The following MKI67 variants were observed in gnomAD, a reference collection of about 807,000 sequenced individuals.
MKI67 encodes proliferation marker protein Ki-67.
Under a neutral mutation model 233.5 loss-of-function variants are expected in MKI67, and 152 were observed. That is an observed-to-expected ratio of 0.65 (90% confidence interval 0.57 to 0.74). The LOEUF (loss-of-function observed/expected upper bound fraction) is 0.74. Ranked by LOEUF, MKI67 falls within the 30% of genes least tolerant of loss-of-function variation. The probability of loss-of-function intolerance (pLI) is 0.00; values close to 1 mark genes in which losing one functional copy is unlikely to be tolerated. For synonymous variants in MKI67, 1,465 were observed against 1,418.5 expected (o/e 1.03, Z -0.74); for missense variants, 3,940 against 3,885.2 (o/e 1.01, Z -0.37).
chr10:128,102,884 T>C lies in MKI67; in HGVS notation c.8956A>G (p.Lys2986Glu), dbSNP rs151155486. 1.1e-4 allele frequency: 178 copies of C among 1,614,210 alleles called. No individual in the cohort carries two copies. In the African/African-American group the frequency reaches 2.0e-3, roughly 18 times the overall value. ...AGTGGGGGCAGGGAAGTGTTGCTTT[T>C]GCTTTGTGATTTTACAGGGTCTCTG... The part of the protein sequence containing the change: ...STRDPVKSQS[K>E]SNTSLPPLPF... The change falls in exon 13 of 15, where the codon AAA becomes GAA. Residue 2986 changes from lysine to glutamate, a missense_variant. By Grantham distance (56) the Lys-to-Glu change is moderately conservative. Coordinates refer to ENST00000368654, the MANE Select transcript of MKI67 (RefSeq NM_002417.5).
At chr10:128,113,095 T>C (rs1373026030) in intron 8 of MKI67, among the ~76,000 whole-genome samples, 1 of 152,182 alleles carries the variant, frequency 6.6e-6, no homozygotes, top group Non-Finnish European at 1.5e-5. Flanking sequence ...GACGTGGTAA[T>C]GTATCCAGAA....
intron 14 of MKI67, among the ~76,000 whole-genome samples, chr10:128,100,876 G>GT (rs911961823): frequency 6.6e-6 from 1 of 151,966 alleles, no homozygotes; most frequent in African/African-American, 2.4e-5. Flanking sequence ...TGTTTCAATA[G>GT]TTTTTTTTGG....
chr10:128,102,634 T>C lies in MKI67; in HGVS notation c.9206A>G (p.Asp3069Gly), dbSNP rs376451397. 6.2e-7 allele frequency: 1 copy of C among 1,614,132 alleles called. No homozygotes were observed. The highest frequency in any genetic ancestry group is 1.3e-5 in the African/African-American group (1 of 74,944). The change falls in exon 13 of 15, where the codon GAC becomes GGC. Residue 3069 changes from aspartate (D) to glycine (G), a missense_variant. Transcript: ENST00000368654. ...IEPAEELNSN[D>G]MKTNKEEHKL... The stretch of plus-strand genomic sequence containing the variant: ...GTGTTCCTCTTTGTTGGTTTTCATG[T>C]CGTTGCTGTTCAGCTCTTCCGCAGG...
At chr10:128,101,882 C>T (rs191760907) in intron 13 of MKI67, among the ~76,000 whole-genome samples, 181 bp from the exon 14 acceptor site, 2 of 152,188 alleles carry the variant, frequency 1.3e-5, no homozygotes, top group Non-Finnish European at 2.9e-5. Flanking sequence ...GTACTTTGCT[C>T]CTATGGAGAA....
intron 7 of MKI67, among the ~76,000 whole-genome samples, chr10:128,113,865 T>C (rs1204386011): frequency 6.6e-6 from 1 of 152,058 alleles, no homozygotes; most frequent in African/African-American, 2.4e-5. Flanking sequence ...TGTGTGGACA[T>C]AGAAAGGAGG....
rs1852555318 is a variant in MKI67, at chr10:128,107,919, T to G, written c.3921A>C (p.Lys1307Asn). 1.9e-6 allele frequency: 3 copies of G among 1,613,746 alleles called. No individual in the cohort carries two copies. Among genetic ancestry groups the G allele is most frequent in the Non-Finnish European group, 2.5e-6 (3 of 1,179,994 alleles). ...GAGTTCCCACAAATATGATGATGTC[T>G]TTCTCTTCACCTACTGATGGTTTAG... is the stretch of plus-strand genomic sequence containing the variant. Reference protein sequence around the residue: ...HTPKPSVGEEKDIIIFVGTPV... With the variant: ...HTPKPSVGEENDIIIFVGTPV... Residue 1307 changes from lysine (K) to asparagine (N), a missense_variant, in exon 13 of 15, where the codon AAA becomes AAC. Transcript: ENST00000368654.
chr10:128,102,658 G>A lies in MKI67; in HGVS notation c.9182C>T (p.Pro3061Leu). 6.2e-7 allele frequency: 1 copy of A among 1,614,212 alleles called. No homozygotes were observed. The highest frequency in any genetic ancestry group is 8.5e-7 in the Non-Finnish European group (1 of 1,180,038). Residue 3061 changes from proline to leucine, a missense_variant, in exon 13 of 15, where the codon CCT becomes CTT. By Grantham distance (98) the Pro-to-Leu change is moderately conservative (BLOSUM62 -3). Transcript: ENST00000368654. ...SLRTSAKRIE[P>L]AEELNSNDMK... is the part of the protein sequence containing the mutation. ...GTCGTTGCTGTTCAGCTCTTCCGCA[G>A]GTTCAATTCTTTTTGCAGAAGTCCT...
chr10:128,106,289 C>G lies in MKI67; in HGVS notation c.5551G>C (p.Glu1851Gln), dbSNP rs899988714. The G allele has an allele frequency of 1.2e-6, 2 of 1,613,148 alleles. No individual in the cohort carries two copies. The highest frequency in any genetic ancestry group is 3.3e-5 in the Admixed American group (2 of 59,904). ...CAGAGTATTTTTTTGGTAGTTTTCT[C>G]ATCAGTCGTGGGGTTATCAGTGCAT... is the stretch of plus-strand genomic sequence containing the variant. ...TPCTDNPTTD[E>Q]KTTKKILCKS... The change falls in exon 13 of 15, where the codon GAG becomes CAG. Residue 1851 changes from glutamate (E) to glutamine (Q), a missense_variant. Transcript: ENST00000368654.
In MKI67 at chr10:128,102,716, A is replaced by T; in HGVS notation, c.9124T>A (p.Ser3042Thr). 6.2e-7 allele frequency: 1 copy of T among 1,614,044 alleles called. No individual in the cohort carries two copies. Among genetic ancestry groups the T allele is most frequent in the Non-Finnish European group, 8.5e-7 (1 of 1,180,012 alleles). Residue 3042 changes from serine (S) to threonine (T), a missense_variant, in exon 13 of 15, where the codon TCC (serine) becomes ACC (threonine). Ser to Thr is a moderately conservative substitution (Grantham distance 58). Transcript: ENST00000368654. Reference protein sequence around the residue: ...RVAPRARGKSSEPVVIMKRSL... With the variant: ...RVAPRARGKSTEPVVIMKRSL... ...CTCTTCATGATGACCACGGGTTCGG[A>T]TGATTTGCCTCTTGCCCTGGGAGCA...
intron 8 of MKI67, 62 bp downstream of exon 8, chr10:128,113,365 A>G (rs1177102788): frequency 6.7e-7 from 1 of 1,492,484 alleles, no homozygotes; most frequent in African/African-American, 1.4e-5. Context: ...GTATTTGGAA[A>G]GGAATAGGTA....
In MKI67 at chr10:128,103,994, G is replaced by A. The variant is rs759412414; in HGVS notation, c.7846C>T (p.Leu2616Phe). 26 of 1,613,936 alleles carry A rather than the reference G, an allele frequency of 1.6e-5. 1 individual carries two copies. In the South Asian group the frequency reaches 2.4e-4, roughly 15 times the overall value. The change falls in exon 13 of 15, where the codon CTC becomes TTC. Residue 2616 changes from leucine to phenylalanine, a missense_variant. Coordinates refer to ENST00000368654, the MANE Select transcript of MKI67 (RefSeq NM_002417.5). The part of the protein sequence containing the change: ...TRPRKEVKEE[L>F]SAVERLTQTS... ...TGCGTGAGCCTCTCAACTGCTGAGA[G>A]CTCCTCTTTTACTTCTTTCCTGGGA...
Position 128,115,240 on chromosome 10 carries a change from G to A in MKI67, c.1168C>T (p.Leu390Phe), listed in dbSNP as rs1276581437. Residue 390 changes from leucine to phenylalanine, a missense_variant, in exon 7 of 15, where the codon CTT becomes TTT. Coordinates refer to ENST00000368654, the MANE Select transcript of MKI67 (RefSeq NM_002417.5). ...CTAGTTGAAAGCTTCCTGGGAGTAAGAGTTTTATCACCAGCCTTGAAGCCT... is the reference window on the plus strand; with the variant it reads ...CTAGTTGAAAGCTTCCTGGGAGTAAAAGTTTTATCACCAGCCTTGAAGCCT... ...SEGFKAGDKT[L>F]TPRKLSTRNR... is the part of the protein sequence containing the mutation. The A allele has an allele frequency of 1.2e-6, 2 of 1,614,224 alleles. No individual in the cohort carries two copies. The highest frequency in any genetic ancestry group is 1.7e-6 in the Non-Finnish European group (2 of 1,180,044).
At chr10:128,117,737 C>T (rs1162759628) in intron 5 of MKI67, among the ~76,000 whole-genome samples, 2 of 152,132 alleles carry the variant, frequency 1.3e-5, no homozygotes, top group South Asian at 2.1e-4. Flanking sequence ...AATCTTATGA[C>T]TAAACAATAT....
Position 128,108,416 on chromosome 10 carries a change from T to C in MKI67, c.3424A>G (p.Ser1142Gly). 3.1e-6 allele frequency: 5 copies of C among 1,614,224 alleles called. No homozygotes were observed. Among genetic ancestry groups the C allele is most frequent in the Non-Finnish European group, 3.4e-6 (4 of 1,180,048 alleles). ...CTTCTCTTAGGCCATTGCTTTGTGC[T>C]TGTTGGAGTGTCCACTGATTCTGGT... ...PPPESVDTPTSTKQWPKRSLR... is the reference protein window; with the variant it reads ...PPPESVDTPTGTKQWPKRSLR... The change falls in exon 13 of 15, where the codon AGC becomes GGC. Residue 1142 changes from serine to glycine, a missense_variant. Ser to Gly is a moderately conservative substitution (Grantham distance 56). Coordinates refer to ENST00000368654, the MANE Select transcript of MKI67 (RefSeq NM_002417.5).
At chr10:128,124,005 C>T (rs997246) in intron 2 of MKI67, among the ~76,000 whole-genome samples, 9,349 of 152,226 alleles carry the variant, frequency 0.061, 379 homozygotes, top group Non-Finnish European at 0.094. Context: ...TGTCTGTTCT[C>T]CATCTGAACC....
At position 128,097,464 on chromosome 10, in the gene MKI67, T is replaced by A. The variant is rs1221857466; in HGVS notation, c.*1726A>T. The A allele has an allele frequency of 1.3e-5, 2 of 152,164 alleles. No individual in the cohort carries two copies. The highest frequency in any genetic ancestry group is 1.3e-4 in the Admixed American group (2 of 15,284). The allele number at this position is 152,164 out of a possible 1,614,324, so 9.4% of individuals were successfully genotyped here. ...AGGTGCTGACATACTTCAGCAAGAT[T>A]TCTGGTTAGAGCTGAACTCTAAAGG... On this transcript the variant is annotated 3_prime_UTR_variant, in exon 15 of 15. Transcript: ENST00000368654.
chr10:128,107,490 A>T lies in MKI67; in HGVS notation c.4350T>A (p.Gly1450=), dbSNP rs780852316. The part of the protein sequence containing the change: ...QKLDPAASVT[G]SKRHPKTKEK... ...CCTTAGTTTTTGGGTGCCTCTTGCT[A>T]CCAGTTACACTTGCTGCTGGGTCCA... The change falls in exon 13 of 15, where the codon GGT becomes GGA. Residue 1450 remains glycine (G), a synonymous_variant. Transcript: ENST00000368654. 3,182 of 1,613,750 alleles carry T rather than the reference A, an allele frequency of 2.0e-3. 43 individuals carry two copies. In the African/African-American group the frequency reaches 0.035, roughly 18 times the overall value.
In MKI67 at chr10:128,126,098, C is replaced by T; in HGVS notation, c.-90+1G>A. 1 of 179,274 alleles carries T rather than the reference C, an allele frequency of 5.6e-6. No individual in the cohort carries two copies. Among genetic ancestry groups the T allele is most frequent in the South Asian group, 1.1e-4 (1 of 9,118 alleles). The allele number at this position is 179,274 out of a possible 1,614,324, so 11.1% of individuals were successfully genotyped here. A position where few individuals can be genotyped will look rare whatever the true frequency, so the allele number is the denominator to read the frequency against. On this transcript the variant is annotated splice_donor_variant, in intron 1 of 14. Transcript: ENST00000368654. LOFTEE classifies it low-confidence loss of function (5UTR_SPLICE). ...TCCCAGGAGTCCCGGCCGCAGCTCA[C>T]CTGGGACGATCCGGCCCGCAAGGCC...
In MKI67 at chr10:128,096,906, C is replaced by T. The variant is rs914042839; in HGVS notation, c.*2284G>A. ...ACAGGCATGGGGGTGAGGGAACCCA[C>T]AGGCAAGAAGCCTCCCTTAAGCTGA... On this transcript the variant is annotated 3_prime_UTR_variant, in exon 15 of 15. Transcript: ENST00000368654. 3.9e-5 allele frequency: 6 copies of T among 152,284 alleles called. No individual in the cohort carries two copies. The highest frequency in any genetic ancestry group is 9.7e-5 in the African/African-American group (4 of 41,448). 9.4% of individuals were successfully genotyped at this position (152,284 alleles called of 1,614,324 possible). A position where few individuals can be genotyped will look rare whatever the true frequency, so the allele number is the denominator to read the frequency against.
Sources: allele counts gnomAD v4.1 joint callset (sites outside exome capture counted in the v4.1 genomes callset), GRCh38; gene constraint gnomAD v4.1.1; transcripts MANE v1.5; gene names NCBI Gene and HGNC (gene_info 2026-07-23, HGNC 2026-07-21).